The following GNAS variants were observed in gnomAD, a reference collection of about 807,000 sequenced individuals.
GNAS encodes GNAS complex locus.
Under a neutral mutation model 54.5 loss-of-function variants are expected in GNAS, and 8 were observed. That is an observed-to-expected ratio of 0.15 (90% CI 0.09 to 0.26). The LOEUF (loss-of-function observed/expected upper bound fraction) is 0.26, where lower values mean the gene tolerates loss of function less well. Among genes scored for constraint, GNAS ranks in the 10% least tolerant of loss-of-function variants. The pLI is 1.00. For missense variants in GNAS, 170 were observed against 529.8 expected (o/e 0.32, Z 6.67); for synonymous variants, 204 against 191.4 (o/e 1.07, Z -0.54).
upstream of GNAS, among the ~76,000 whole-genome samples, chr20:58,890,275 C>A (rs1004749489): frequency 1.3e-3 from 202 of 150,924 alleles, no homozygotes; most frequent in Non-Finnish European, 2.3e-3. Context: ...GCGGCCGCCG[C>A]CGACGACGAC....
chr20:58,891,981 C>T, intron 1 of GNAS, 116 bp downstream of exon 1: 2 of 747,784 alleles, frequency 2.7e-6, no homozygotes, highest in Non-Finnish European at 3.2e-6. Context: ...GCCCCCCGCC[C>T]GTTCGCGGGC....
chr20:58,853,099 C>A lies in GNAS; in HGVS notation c.43+12213C>A. 7.0e-7 allele frequency: 1 copy of A among 1,420,108 alleles called. No homozygotes were observed. Among genetic ancestry groups the A allele is most frequent in the Non-Finnish European group, 9.1e-7 (1 of 1,093,010 alleles). 88.0% of individuals were successfully genotyped at this position (1,420,108 alleles called of 1,614,324 possible). A position where few individuals can be genotyped will look rare whatever the true frequency, so the allele number is the denominator to read the frequency against. Reference sequence around the variant, plus strand: ...CTTCAGCCTCAGTCTAGGGTTCCTTCCAGGCCTTGAACCCCCCAACCTCAC... The same window carrying A: ...CTTCAGCCTCAGTCTAGGGTTCCTTACAGGCCTTGAACCCCCCAACCTCAC... On this transcript the variant is annotated intron_variant, in intron 1 of 12. Transcript: ENST00000306090. This position sits in a 1 kb window ranked among gnomAD's most constrained non-coding sequence, Gnocchi z 4.4.
intron 4 of GNAS, 40 bp downstream of exon 4, chr20:58,903,625 C>T (rs990685473): frequency 1.1e-5 from 18 of 1,614,010 alleles, no homozygotes; most frequent in African/African-American, 2.7e-5. Context: ...TTGTAGCGCC[C>T]TCCCAGCCAG....
At chr20:58,902,904 TTG>T (rs1402762729) in intron 3 of GNAS, 2 of 164,782 alleles carry the variant, frequency 1.2e-5, no homozygotes, top group Non-Finnish European at 2.7e-5. Context: ...GCTAGTTTTT[TTG>T]TGTGTTTTTA....
At chr20:58,903,925 G>T in intron 5 of GNAS, 134 bp downstream of exon 5, 1 of 868,362 alleles carries the variant, frequency 1.2e-6, no homozygotes, top group South Asian at 1.3e-5. Flanking sequence ...ACATTTCAGT[G>T]ATGTCCATCC....
Position 58,910,502 on chromosome 20 carries a change from C to T in GNAS, c.1038+101C>T. 8.5e-7 allele frequency: 1 copy of T among 1,170,518 alleles called. No individual in the cohort carries two copies. The highest frequency in any genetic ancestry group is 1.8e-5 in the Admixed American group (1 of 56,342). The allele number at this position is 1,170,518 out of a possible 1,614,324, so 72.5% of individuals were successfully genotyped here. On this transcript the variant is annotated intron_variant, in intron 12 of 12. Coordinates refer to ENST00000371085, the MANE Select transcript of GNAS (RefSeq NM_000516.7). This position sits in a 1 kb window ranked among gnomAD's most constrained non-coding sequence, Gnocchi z 5.8. The stretch of plus-strand genomic sequence containing the variant: ...AATTCAGGGGTTCAGCTACCCAGTT[C>T]CATGGTTTTAGTTCACGCACATCCA...
intron 1 of GNAS, chr20:58,884,558 A>G (rs2088462184): frequency 6.6e-6 from 1 of 152,228 alleles, no homozygotes; most frequent in African/African-American, 2.4e-5. Context: ...CATCTTGTAA[A>G]TAAGCAGGAA....
At chr20:58,899,011 AT>A in intron 3 of GNAS, 26 bp downstream of exon 3, 1 of 1,584,142 alleles carries the variant, frequency 6.3e-7, no homozygotes, top group African/African-American at 1.3e-5. Context: ...ACCAGAAAAA[AT>A]TGTTAACAAA....
chr20:58,843,430 A>AT (rs2085821061), intron 1 of GNAS: 1 of 152,180 alleles, frequency 6.6e-6, no homozygotes, highest in South Asian at 2.1e-4. Context: ...TTCCAGAGCC[A>AT]TTTTTAGCAA....
At chr20:58,871,705 G>C (rs1223767110) in intron 1 of GNAS, among the ~76,000 whole-genome samples, 1 of 141,970 alleles carries the variant, frequency 7.0e-6, no homozygotes, top group Non-Finnish European at 1.5e-5. Context: ...AAGAGAGAAG[G>C]AAGGAAGAAG....
intron 1 of GNAS, among the ~76,000 whole-genome samples, chr20:58,874,080 A>G (rs948429602): frequency 6.6e-6 from 1 of 152,230 alleles, no homozygotes. Context: ...CTGAGGCTGA[A>G]AATTTCTGCA....
rs2086556824 is a variant in GNAS at position 58,857,138 on chromosome 20, CG to C, written c.43+16253del. The C allele has an allele frequency of 6.6e-6, 1 of 152,110 alleles. No individual in the cohort carries two copies. Among genetic ancestry groups the C allele is most frequent in the African/African-American group, 2.4e-5 (1 of 41,400 alleles). The allele number at this position is 152,110 out of a possible 1,614,324, so 9.4% of individuals were successfully genotyped here. On this transcript the variant is annotated intron_variant, in intron 1 of 12. Coordinates refer to the GNAS transcript ENST00000306090. This position sits in a 1 kb window ranked among gnomAD's most constrained non-coding sequence, Gnocchi z 4.1. Reference sequence around the variant, plus strand: ...TTCAAGATCACAGTTTTTAAGGCTGCGCTACATTTGTTAAATATGTTAGAAT... The same window carrying C: ...TTCAAGATCACAGTTTTTAAGGCTGCCTACATTTGTTAAATATGTTAGAAT...
At chr20:58,903,136 GT>G in intron 3 of GNAS, 2 of 365,110 alleles carry the variant, frequency 5.5e-6, no homozygotes, top group South Asian at 4.4e-5. Flanking sequence ...GGACTGTTTT[GT>G]TCCACCCCAA....
At chr20:58,869,782 G>A (rs1050224444) in intron 1 of GNAS, among the ~76,000 whole-genome samples, 1 of 152,186 alleles carries the variant, frequency 6.6e-6, no homozygotes, top group Non-Finnish European at 1.5e-5. Flanking sequence ...GCACACTGGG[G>A]CATTCTCACT....
intron 1 of GNAS, among the ~76,000 whole-genome samples, chr20:58,845,516 G>A (rs970589531): frequency 1.4e-4 from 21 of 152,060 alleles, no homozygotes; most frequent in African/African-American, 4.8e-4. Context: ...ATACATGCAT[G>A]GGATAAACAA....
intron 1 of GNAS, among the ~76,000 whole-genome samples, chr20:58,878,032 TTG>T (rs1472894996): frequency 6.6e-6 from 1 of 152,144 alleles, no homozygotes; most frequent in African/African-American, 2.4e-5. Flanking sequence ...GTGCATTATT[TTG>T]TGTTTCCTTT....
At chr20:58,889,017 C>T (rs1413526756), upstream of GNAS, 3 of 970,424 alleles carry the variant, frequency 3.1e-6, no homozygotes, top group Non-Finnish European at 3.7e-6. Flanking sequence ...CACCGGCCTG[C>T]ACCCCCAGGG....
At chr20:58,882,764 C>T (rs75803555) in intron 1 of GNAS, among the ~76,000 whole-genome samples, 18,789 of 152,100 alleles carry the variant, frequency 0.12, 1,611 homozygotes, top group Non-Finnish European at 0.18. Flanking sequence ...AGAGATAATA[C>T]CCCCTTCCCA....
chr20:58,866,604 G>A (rs2087082942), intron 1 of GNAS, among the ~76,000 whole-genome samples: 1 of 152,130 alleles, frequency 6.6e-6, no homozygotes, highest in Non-Finnish European at 1.5e-5. Flanking sequence ...TAACTTCTTT[G>A]TTATATTTTG....
Sources: gnomAD v4.1 joint callset for allele counts (sites outside exome capture counted in the v4.1 genomes callset) on GRCh38, gnomAD v4.1.1 for gene constraint, Gnocchi (gnomAD v3.1) non-coding constraint, MANE v1.5 for transcripts, NCBI Gene and HGNC (gene_info 2026-07-23, HGNC 2026-07-21) for gene names.